FSD2: variants seen among roughly 807,000 people sequenced by gnomAD.
The protein encoded by FSD2 is fibronectin type III and SPRY domain containing 2, also known as fibronectin type III and SPRY domain-containing protein 2.
A neutral mutation model predicts 80.4 loss-of-function variants in FSD2; 71 were observed. The observed-to-expected ratio is 0.88, with a 90% CI of 0.73 to 1.08. The LOEUF is 1.08. Ranked by LOEUF, FSD2 falls within the 50% of genes least tolerant of loss-of-function variation. FSD2 has a pLI of 0.00. For synonymous variants in FSD2, 361 were observed against 329.5 expected (o/e 1.10, Z -1.03); for missense variants, 923 against 913.8 (o/e 1.01, Z -0.13).
chr15:82,781,993 G>T (rs2049870407), intron 4 of FSD2, among the ~76,000 whole-genome samples: 1 of 150,384 alleles, frequency 6.6e-6, no homozygotes, highest in South Asian at 2.1e-4. Flanking sequence ...GAACCCGGGA[G>T]GAAGAGGTTG....
At chr15:82,786,212 T>C (rs547266708) in intron 3 of FSD2, among the ~76,000 whole-genome samples, 2 of 152,258 alleles carry the variant, frequency 1.3e-5, no homozygotes, top group South Asian at 4.1e-4. Flanking sequence ...AACAAACATG[T>C]ATAAAATGCC....
At chr15:82,765,337 C>A in intron 10 of FSD2, 39 bp from the exon 11 acceptor site, 1 of 1,611,914 alleles carries the variant, frequency 6.2e-7, no homozygotes, top group South Asian at 1.1e-5. Context: ...CGCAGCCAAT[C>A]ACTTGCTTTC....
At chr15:82,778,743 G>C (rs1303551176) in intron 6 of FSD2, 23 bp downstream of exon 6, 1 of 1,588,810 alleles carries the variant, frequency 6.3e-7, no homozygotes, top group East Asian at 2.3e-5. Context: ...AACCTGCCGC[G>C]AAGTACACAC....
In FSD2 at chr15:82,786,579, A is replaced by G. The variant is rs1249145780; in HGVS notation, c.667T>C (p.Leu223=). 2 of 1,613,632 alleles carry G rather than the reference A, an allele frequency of 1.2e-6. No individual in the cohort carries two copies. The highest frequency in any genetic ancestry group is 1.7e-6 in the Non-Finnish European group (2 of 1,179,696). Residue 223 remains leucine, a synonymous_variant, in exon 3 of 13, where the codon TTG becomes CTG. Transcript: ENST00000334574. ...TCCATCTCAATTATCTGCTTTTCCAATTTGTACATGTTTTTGTGAATTTCA... is the reference window on the plus strand; with the variant it reads ...TCCATCTCAATTATCTGCTTTTCCAGTTTGTACATGTTTTTGTGAATTTCA... The part of the protein sequence containing the change: ...KDEIHKNMYK[L]EKQIIEMENF...
At position 82,765,226 on chromosome 15, in the gene FSD2, A is replaced by G. The variant is rs780895933; in HGVS notation, c.1760T>C (p.Val587Ala). Residue 587 changes from valine to alanine, a missense_variant, in exon 11 of 13, where the codon GTA becomes GCA. Transcript: ENST00000334574. ...GGCGGGGGTTCTCCTTTCACTTCGTACAGCCGTAAGTCCGTCTTCAGAAAT... is the reference window on the plus strand; with the variant it reads ...GGCGGGGGTTCTCCTTTCACTTCGTGCAGCCGTAAGTCCGTCTTCAGAAAT... Reference protein sequence around the residue: ...LTISEDGLTAVRSERRTPARE... With the variant: ...LTISEDGLTAARSERRTPARE... 1 of 1,611,556 alleles carries G rather than the reference A, an allele frequency of 6.2e-7. No individual in the cohort carries two copies. The highest frequency in any genetic ancestry group is 1.7e-5 in the Admixed American group (1 of 59,560).
At chr15:82,766,296 C>T (rs190838555) in intron 9 of FSD2, among the ~76,000 whole-genome samples, 99 of 152,286 alleles carry the variant, frequency 6.5e-4, no homozygotes, top group African/African-American at 2.2e-3. Context: ...TCCCAGGCAC[C>T]CAGCACTGTG....
At chr15:82,799,044 A>G (rs932003815) in intron 1 of FSD2, among the ~76,000 whole-genome samples, 3 of 151,692 alleles carry the variant, frequency 2.0e-5, no homozygotes, top group Non-Finnish European at 2.9e-5. Flanking sequence ...CGCCTGGCTA[A>G]TTTTTGTAAT....
chr15:82,763,424 C>T (rs568724671), intron 11 of FSD2, among the ~76,000 whole-genome samples: 9 of 152,128 alleles, frequency 5.9e-5, no homozygotes, highest in South Asian at 2.1e-4. Flanking sequence ...TATTCTCATC[C>T]GTCAACTGGG....
chr15:82,772,133 C>T lies in FSD2; in HGVS notation c.1207G>A (p.Glu403Lys), dbSNP rs904236797. 3.1e-6 allele frequency: 5 copies of T among 1,609,994 alleles called. No homozygotes were observed. The highest frequency in any genetic ancestry group is 4.2e-6 in the Non-Finnish European group (5 of 1,178,466). Reference protein sequence around the residue: ...CWSLYSDDTVESYQLSYRPVQ... With the variant: ...CWSLYSDDTVKSYQLSYRPVQ... Reference sequence around the variant, plus strand: ...GGCCGGTAGGACAGCTGATAGCTCTCCACAGTGTCGTCGGAGTATAAGCTC... The same window carrying T: ...GGCCGGTAGGACAGCTGATAGCTCTTCACAGTGTCGTCGGAGTATAAGCTC... The change falls in exon 7 of 13, where the codon GAG (glutamate) becomes AAG (lysine). Residue 403 changes from glutamate (E) to lysine (K), a missense_variant. Physicochemically the swap from Glu to Lys is moderately conservative, Grantham distance 56. Coordinates refer to ENST00000334574, the MANE Select transcript of FSD2 (RefSeq NM_001007122.4).
intron 8 of FSD2, 52 bp from the exon 9 acceptor site, chr15:82,769,082 T>C (rs2151494185): frequency 7.0e-7 from 1 of 1,429,518 alleles, no homozygotes; most frequent in Non-Finnish European, 9.2e-7. Context: ...CATTTCCAGC[T>C]GTTTTGTTCA....
intron 1 of FSD2, among the ~76,000 whole-genome samples, chr15:82,793,847 T>C (rs1380668690): frequency 1.3e-5 from 2 of 152,076 alleles, no homozygotes; most frequent in Non-Finnish European, 2.9e-5. Flanking sequence ...TGCCCCCTTT[T>C]TCATTTCTGA....
intron 3 of FSD2, among the ~76,000 whole-genome samples, chr15:82,784,463 G>A (rs1479345785): frequency 1.3e-5 from 2 of 151,980 alleles, no homozygotes; most frequent in African/African-American, 4.8e-5. Context: ...GGCTAGGCTG[G>A]TCTCGAACTC....
chr15:82,782,158 G>C (rs952501438), intron 4 of FSD2, among the ~76,000 whole-genome samples: 2 of 150,896 alleles, frequency 1.3e-5, no homozygotes, highest in Admixed American at 1.3e-4. Flanking sequence ...CACTTCGGGA[G>C]GCCAAGGTGG....
intron 1 of FSD2, among the ~76,000 whole-genome samples, chr15:82,797,667 G>A (rs932267307): frequency 1.2e-4 from 18 of 151,976 alleles, no homozygotes; most frequent in African/African-American, 3.4e-4. Context: ...AAAATTAGCC[G>A]GGCGTGGTGG....
In FSD2 at chr15:82,796,929, A is replaced by T. The variant is rs149951897; in HGVS notation, c.-79+9037T>A. ...TTCATGTAGATTCTTTTTTCACAAT[A>T]GTCCTTTTTCTCTTTATTACAAAAG... is the stretch of plus-strand genomic sequence containing the variant. On this transcript the variant is annotated intron_variant, in intron 1 of 12. Coordinates refer to ENST00000334574, the MANE Select transcript of FSD2 (RefSeq NM_001007122.4). Among the ~76,000 whole-genome samples the T allele has an allele frequency of 1.8e-3, 269 of 151,742 alleles. 1 individual carries two copies. Among genetic ancestry groups the T allele is most frequent in the African/African-American group, 6.3e-3 (259 of 41,386 alleles).
chr15:82,764,317 A>G (rs2151488218), intron 11 of FSD2, among the ~76,000 whole-genome samples: 1 of 152,150 alleles, frequency 6.6e-6, no homozygotes, highest in East Asian at 1.9e-4. Flanking sequence ...CACTTTAGCC[A>G]CTTCATATAC....
intron 5 of FSD2, 23 bp from the exon 6 acceptor site, chr15:82,778,910 T>A: frequency 6.2e-7 from 1 of 1,613,614 alleles, no homozygotes; most frequent in East Asian, 2.2e-5. Flanking sequence ...AAAGACATGC[T>A]GACTAGAATG....
chr15:82,784,875 G>T (rs578214103), intron 3 of FSD2, among the ~76,000 whole-genome samples: 8 of 152,288 alleles, frequency 5.3e-5, no homozygotes, highest in African/African-American at 1.9e-4. Context: ...TTGAGCTCTG[G>T]CATCATAGTG....
chr15:82,794,678 G>A (rs1219020307), intron 1 of FSD2, among the ~76,000 whole-genome samples: 1 of 150,630 alleles, frequency 6.6e-6, no homozygotes, highest in Non-Finnish European at 1.5e-5. Context: ...GTAGTTAGGT[G>A]CATATACATA....
Sources: allele counts gnomAD v4.1 joint callset (sites outside exome capture counted in the v4.1 genomes callset), GRCh38; gene constraint gnomAD v4.1.1; transcripts MANE v1.5; gene names NCBI Gene and HGNC (gene_info 2026-07-23, HGNC 2026-07-21).